Variants in UNC13B observed in about 807,000 individuals in gnomAD.
UNC13B encodes the protein protein unc-13 homolog B.
UNC13B carries 144 observed loss-of-function variants against 211.0 expected under a neutral mutation model. The ratio of observed to expected loss-of-function variants is 0.68; its 90% CI spans 0.60 to 0.78. The LOEUF (loss-of-function observed/expected upper bound fraction) is 0.78. UNC13B is among the 30% of genes least tolerant of loss of function. The pLI is 0.00. For synonymous variants in UNC13B, 709 were observed against 725.8 expected, an observed-to-expected ratio of 0.98 and a Z score of 0.37; for missense variants, 1,777 against 2,002.0, an observed-to-expected ratio of 0.89 and a Z score of 2.14.
intron 1 of UNC13B, among the ~76,000 whole-genome samples, chr9:35,169,183 C>T (rs958032012): frequency 2.0e-5 from 3 of 152,076 alleles, no homozygotes; most frequent in African/African-American, 7.2e-5. Context: ...AGACCCCATT[C>T]CTACTAAAAA....
At chr9:35,314,578 C>A (rs974487162) in intron 11 of UNC13B, among the ~76,000 whole-genome samples, 4 of 152,120 alleles carry the variant, frequency 2.6e-5, no homozygotes, top group South Asian at 4.2e-4. Context: ...AGGAGGTACC[C>A]GTGCAGTTTT....
At chr9:35,299,251 C>T (rs577778115) in intron 8 of UNC13B, among the ~76,000 whole-genome samples, 47 of 136,886 alleles carry the variant, frequency 3.4e-4, no homozygotes, top group Admixed American at 3.3e-3. Flanking sequence ...ATTATAAGGC[C>T]TTAAATAATT....
At chr9:35,250,759 T>C (rs1826417713) in intron 6 of UNC13B, among the ~76,000 whole-genome samples, 1 of 152,156 alleles carries the variant, frequency 6.6e-6, no homozygotes, top group Non-Finnish European at 1.5e-5. Context: ...GGCTATGACA[T>C]TTTATACTCC....
chr9:35,393,949 T>G (rs935267879), intron 26 of UNC13B, among the ~76,000 whole-genome samples: 1 of 152,144 alleles, frequency 6.6e-6, no homozygotes, highest in Non-Finnish European at 1.5e-5. Context: ...CAGATTATTA[T>G]GTAGAAAGGC....
chr9:35,339,932 T>C (rs892562531), intron 11 of UNC13B, among the ~76,000 whole-genome samples: 3 of 152,262 alleles, frequency 2.0e-5, no homozygotes, highest in Non-Finnish European at 2.9e-5. Flanking sequence ...CTTGAAAGTT[T>C]GAGCTTCTCC....
chr9:35,380,989 C>A, intron 18 of UNC13B, 111 bp from the exon 19 acceptor site: 1 of 1,041,272 alleles, frequency 9.6e-7, no homozygotes, highest in South Asian at 1.7e-5. Flanking sequence ...TTGGGTTGGC[C>A]CCTTCTTTTC....
intron 17 of UNC13B, 39 bp downstream of exon 17, chr9:35,378,475 G>A (rs1362655394): frequency 6.2e-7 from 1 of 1,612,122 alleles, no homozygotes. Context: ...GGGACTGTGT[G>A]TATTGGGGGA....
At chr9:35,372,529 G>A (rs1342717826) in intron 13 of UNC13B, among the ~76,000 whole-genome samples, 18 of 77,316 alleles carry the variant, frequency 2.3e-4, no homozygotes, top group Non-Finnish European at 3.1e-4. Flanking sequence ...TGGGGCCCCT[G>A]TGCAAGAGTG....
At position 35,400,449 on chromosome 9, in the gene UNC13B, GC is replaced by G. The variant is rs772016864; in HGVS notation, c.12484+9del. 6.2e-7 allele frequency: 1 copy of G among 1,611,400 alleles called. No individual in the cohort carries two copies. The highest frequency in any genetic ancestry group is 8.5e-7 in the Non-Finnish European group (1 of 1,178,706). On this transcript the variant is annotated splice_region_variant and intron_variant, in intron 37 of 39. Coordinates refer to ENST00000635942, the MANE Select transcript of UNC13B (RefSeq NM_001371189.2). ...GCGCTCGCAGACCACCCAAGGTAAG[GC>G]CCTGAGGGCTTTGGGTATCCACCTC... is the stretch of plus-strand genomic sequence containing the variant.
intron 11 of UNC13B, among the ~76,000 whole-genome samples, chr9:35,316,686 G>A (rs945428577): frequency 1.3e-5 from 2 of 152,056 alleles, no homozygotes; most frequent in East Asian, 1.9e-4. Flanking sequence ...TTGCAAGAAC[G>A]GCTGACTGAC....
intron 1 of UNC13B, among the ~76,000 whole-genome samples, chr9:35,179,662 A>G (rs964628921): frequency 2.0e-5 from 3 of 152,036 alleles, no homozygotes; most frequent in African/African-American, 7.2e-5. Flanking sequence ...GTGGTGGTGC[A>G]TGCCTGCAGT....
chr9:35,364,607 T>C (rs1833653985), intron 11 of UNC13B: 3 of 1,533,666 alleles, frequency 2.0e-6, no homozygotes, highest in Non-Finnish European at 2.6e-6. Context: ...TTTTTGTCTA[T>C]TTCCCTCCCC....
intron 1 of UNC13B, among the ~76,000 whole-genome samples, chr9:35,227,564 C>T (rs1212688602): frequency 1.3e-5 from 2 of 152,168 alleles, no homozygotes; most frequent in African/African-American, 4.8e-5. Flanking sequence ...CTCTTACTAT[C>T]TGCTTATTTT....
Position 35,397,637 on chromosome 9 carries a change from C to T in UNC13B, c.11679C>T (p.Thr3893=), listed in dbSNP as rs1835973132. 2 of 1,613,232 alleles carry T rather than the reference C, an allele frequency of 1.2e-6. No homozygotes were observed. The change falls in exon 30 of 40, where the codon ACC becomes ACT. Residue 3893 remains threonine, a splice_region_variant and synonymous_variant. Transcript: ENST00000635942. ...TCTTTCCTTTCTCCTCTTCTCAGAC[C>T]ATCGGGAAGGTGCTGATGCAGTATG... ...LAHYMRRFAK[T]IGKVLMQYAD...
intron 7 of UNC13B, among the ~76,000 whole-genome samples, chr9:35,275,238 T>C (rs1828105363): frequency 6.6e-6 from 1 of 152,208 alleles, no homozygotes; most frequent in Non-Finnish European, 1.5e-5. Context: ...AATGTCTGTG[T>C]TCTTTCCGCT....
chr9:35,396,815 C>T, intron 27 of UNC13B, 26 bp from the exon 28 acceptor site: 1 of 1,613,918 alleles, frequency 6.2e-7, no homozygotes, highest in Non-Finnish European at 8.5e-7. Flanking sequence ...TAGTTCTAAG[C>T]CCCTGTTCTC....
At chr9:35,226,076 G>A (rs1486726742) in intron 1 of UNC13B, among the ~76,000 whole-genome samples, 1 of 152,156 alleles carries the variant, frequency 6.6e-6, no homozygotes, top group African/African-American at 2.4e-5. Context: ...CCTGCATACT[G>A]TAGAATGTTT....
At chr9:35,397,082 T>G in intron 28 of UNC13B, 85 bp from the exon 29 acceptor site, 1 of 1,603,604 alleles carries the variant, frequency 6.2e-7, no homozygotes, top group South Asian at 1.1e-5. Context: ...TTAGCCACTC[T>G]TGCTGGTCAG....
intron 7 of UNC13B, among the ~76,000 whole-genome samples, chr9:35,282,394 TTC>T (rs1045789941): frequency 9.2e-5 from 14 of 152,080 alleles, no homozygotes; most frequent in African/African-American, 3.4e-4. Flanking sequence ...TTTTCTTGTT[TTC>T]TCTTTTTGAT....
Sources: allele counts gnomAD v4.1 joint callset (sites outside exome capture counted in the v4.1 genomes callset), GRCh38; gene constraint gnomAD v4.1.1; transcripts MANE v1.5; gene names NCBI Gene and HGNC (gene_info 2026-07-23, HGNC 2026-07-21).